DNAH8: variants seen among roughly 807,000 people sequenced by gnomAD.
The protein encoded by DNAH8 is dynein axonemal heavy chain 8, also known as axonemal beta dynein heavy chain 8.
Under a neutral mutation model 562.1 loss-of-function variants are expected in DNAH8, and 382 were observed. The observed-to-expected ratio is 0.68, with a 90% CI of 0.63 to 0.74. DNAH8 has a LOEUF of 0.74. DNAH8 is among the 30% of genes least tolerant of loss of function. The probability of loss-of-function intolerance (pLI) is 0.00; values close to 1 mark genes in which losing one functional copy is unlikely to be tolerated. For synonymous variants in DNAH8, 1,881 were observed against 1,919.4 expected (o/e 0.98, Z 0.52); for missense variants, 5,203 against 5,620.4 (o/e 0.93, Z 2.37).
Position 38,822,984 on chromosome 6 carries a change from T to G in DNAH8, c.3670T>G (p.Phe1224Val). 1 of 1,611,378 alleles carries G rather than the reference T, an allele frequency of 6.2e-7. No homozygotes were observed. The highest frequency in any genetic ancestry group is 8.5e-7 in the Non-Finnish European group (1 of 1,179,214). Reference protein sequence around the residue: ...RKAAHEALQDFQKYKTLWTED... With the variant: ...RKAAHEALQDVQKYKTLWTED... ...GGCAGCTCATGAGGCCCTGCAGGACTTTCAGAAGTACAAGACTCTCTGGAC... is the reference window on the plus strand; with the variant it reads ...GGCAGCTCATGAGGCCCTGCAGGACGTTCAGAAGTACAAGACTCTCTGGAC... The change falls in exon 27 of 93, where the codon TTT (phenylalanine) becomes GTT (valine). Residue 1224 changes from phenylalanine to valine, a missense_variant. Physicochemically the swap from Phe to Val is conservative, Grantham distance 50. Transcript: ENST00000327475.
At chr6:38,773,413 G>A (rs1050067375) in intron 12 of DNAH8, among the ~76,000 whole-genome samples, 87 of 152,118 alleles carry the variant, frequency 5.7e-4, no homozygotes, top group African/African-American at 2.0e-3. Context: ...TAGCAGCCCA[G>A]GAATTCCTCT....
At chr6:38,744,027 A>G (rs542780144) in intron 8 of DNAH8, 2 of 152,254 alleles carry the variant, frequency 1.3e-5, no homozygotes, top group South Asian at 4.1e-4. Context: ...CTTAGGTTGG[A>G]CACTCCACAA....
chr6:39,012,709 A>T (rs1766302042), intron 91 of DNAH8, 72 bp downstream of exon 91: 1 of 1,185,248 alleles, frequency 8.4e-7, no homozygotes, highest in African/African-American at 1.5e-5. Flanking sequence ...TGTGATAAAT[A>T]TATACCATAT....
rs1779679940 is a variant in DNAH8 at position 38,896,255 on chromosome 6, T to G, written c.8940+30T>G. On this transcript the variant is annotated intron_variant, in intron 60 of 92. Transcript: ENST00000327475. ...TTATTTTCATCTCTTAAAAGAGGTT[T>G]TCAGATTGCTCACCTGACTAGATCT... 5 of 1,562,776 alleles carry G rather than the reference T, an allele frequency of 3.2e-6. No homozygotes were observed. In the African/African-American group the frequency reaches 5.4e-5, roughly 17 times the overall value.
At chr6:38,786,743 G>A (rs1472652663) in intron 17 of DNAH8, 22 bp from the exon 18 acceptor site, 2 of 1,605,390 alleles carry the variant, frequency 1.2e-6, no homozygotes, top group South Asian at 1.1e-5. Flanking sequence ...AATGAGTAAT[G>A]TCAATCATTA....
At chr6:38,978,724 C>T (rs1167628732) in intron 85 of DNAH8, among the ~76,000 whole-genome samples, 4 of 152,130 alleles carry the variant, frequency 2.6e-5, no homozygotes, top group African/African-American at 4.8e-5. Flanking sequence ...TAGAACCTAA[C>T]GTAAAATTGG....
chr6:38,741,279 C>T (rs962825854), intron 7 of DNAH8, among the ~76,000 whole-genome samples: 2 of 151,862 alleles, frequency 1.3e-5, no homozygotes, highest in South Asian at 2.1e-4. Context: ...AGCACTTGCC[C>T]GTAGTCCTAG....
At chr6:38,910,408 C>T (rs1032387810) in intron 65 of DNAH8, among the ~76,000 whole-genome samples, 10 of 152,134 alleles carry the variant, frequency 6.6e-5, no homozygotes, top group South Asian at 6.2e-4. Flanking sequence ...AGAGAGTTTG[C>T]GTAACACTTT....
intron 8 of DNAH8, among the ~76,000 whole-genome samples, chr6:38,749,603 TAA>T (rs1045831766): frequency 9.9e-5 from 15 of 151,812 alleles, no homozygotes; most frequent in African/African-American, 3.6e-4. Context: ...CATCTTTGAA[TAA>T]AAGACTTAGT....
At chr6:39,026,699 T>G (rs1767314300) in intron 92 of DNAH8, 32 bp downstream of exon 92, 1 of 1,605,278 alleles carries the variant, frequency 6.2e-7, no homozygotes, top group African/African-American at 1.3e-5. Context: ...CAGGGACCAT[T>G]CTGGAGCCAG....
At chr6:38,897,056 A>T (rs1779747582) in intron 60 of DNAH8, among the ~76,000 whole-genome samples, 1 of 152,050 alleles carries the variant, frequency 6.6e-6, no homozygotes, top group African/African-American at 2.4e-5. Flanking sequence ...AGTAGAGATG[A>T]GGTTTTATCA....
chr6:38,915,197 A>G lies in DNAH8; in HGVS notation c.9964-4A>G, dbSNP rs199513328. ...GGCTTTCATGTGTTTCCTCAACTTA[A>G]CAGGTATTAGCAGAAGTCACAGTAA... On this transcript the variant is annotated splice_region_variant and splice_polypyrimidine_tract_variant and intron_variant, in intron 67 of 92. Transcript: ENST00000327475. 4.5e-5 allele frequency: 71 copies of G among 1,585,792 alleles called. No individual in the cohort carries two copies. Among genetic ancestry groups the G allele is most frequent in the Non-Finnish European group, 5.8e-5 (68 of 1,171,320 alleles).
intron 11 of DNAH8, chr6:38,763,197 TC>T: frequency 4.9e-6 from 1 of 202,818 alleles, no homozygotes; most frequent in Non-Finnish European, 1.0e-5. Flanking sequence ...ATTTGGAAAC[TC>T]AGTTCCTTCT....
In DNAH8 at chr6:38,921,350, C is replaced by T. The variant is rs368554543; in HGVS notation, c.10525-19C>T. On this transcript the variant is annotated intron_variant, in intron 70 of 92. Coordinates refer to ENST00000327475, the MANE Select transcript of DNAH8 (RefSeq NM_001206927.2). The stretch of plus-strand genomic sequence containing the variant: ...TGTTTCATGCAGCTAATACACTAAC[C>T]ACGTCTTCTTCTTTTCAGGCCAACC... 9.9e-6 allele frequency: 16 copies of T among 1,609,720 alleles called. No individual in the cohort carries two copies. In the African/African-American group the frequency reaches 1.7e-4, roughly 18 times the overall value.
chr6:38,888,327 G>A (rs560515228), intron 57 of DNAH8, among the ~76,000 whole-genome samples: 88 of 152,120 alleles, frequency 5.8e-4, no homozygotes, highest in African/African-American at 1.9e-3. Flanking sequence ...AGTGACCTCT[G>A]AGTAGGAAAG....
intron 11 of DNAH8, among the ~76,000 whole-genome samples, chr6:38,765,673 A>G (rs1766917966): frequency 6.6e-6 from 1 of 152,214 alleles, no homozygotes; most frequent in African/African-American, 2.4e-5. Flanking sequence ...CTATGCCAGT[A>G]CTATGCTGTT....
At chr6:38,873,735 C>CAA (rs1162139371) in intron 52 of DNAH8, among the ~76,000 whole-genome samples, 2 of 79,828 alleles carry the variant, frequency 2.5e-5, no homozygotes, top group African/African-American at 5.0e-5. Context: ...CCTACACACA[C>CAA]ACACACACAC....
chr6:39,007,333 A>G (rs1268947871), intron 88 of DNAH8, among the ~76,000 whole-genome samples: 2 of 152,230 alleles, frequency 1.3e-5, no homozygotes. Flanking sequence ...TTTCTGTTCA[A>G]GAAAATAAAA....
rs776569309 is a variant in DNAH8, at chr6:38,864,018, T to C, written c.6456T>C (p.Asp2152=). ...RKKQFIFSDG[D]CVDLNPEFGI... Reference sequence around the variant, plus strand: ...AACAGTTCATTTTTTCTGATGGTGATTGTGTTGATTTAAATCCAGAATTTG... The same window carrying C: ...AACAGTTCATTTTTTCTGATGGTGACTGTGTTGATTTAAATCCAGAATTTG... The change falls in exon 45 of 93, where the codon GAT becomes GAC. Residue 2152 remains aspartate, a synonymous_variant. Coordinates refer to ENST00000327475, the MANE Select transcript of DNAH8 (RefSeq NM_001206927.2). The C allele has an allele frequency of 1.2e-6, 2 of 1,608,756 alleles. No homozygotes were observed. Among genetic ancestry groups the C allele is most frequent in the Non-Finnish European group, 1.7e-6 (2 of 1,178,946 alleles).
Sources: gnomAD v4.1 joint callset for allele counts (sites outside exome capture counted in the v4.1 genomes callset) on GRCh38, gnomAD v4.1.1 for gene constraint, MANE v1.5 for transcripts, NCBI Gene and HGNC (gene_info 2026-07-23, HGNC 2026-07-21) for gene names.